Variants in FOXP1 observed in about 807,000 individuals in gnomAD.
FOXP1 encodes the protein forkhead box protein P1.
Under a neutral mutation model 98.2 loss-of-function variants are expected in FOXP1, and 15 were observed. That is an observed-to-expected ratio of 0.15 (90% confidence interval 0.10 to 0.24). FOXP1 has a LOEUF of 0.24. FOXP1 is among the 10% of genes least tolerant of loss of function. FOXP1 has a pLI of 1.00. For synonymous variants in FOXP1, 371 were observed against 314.5 expected (o/e 1.18, Z -1.90); for missense variants, 633 against 848.5 (o/e 0.75, Z 3.15).
chr3:71,013,211 C>G (rs761683972), intron 12 of FOXP1, among the ~76,000 whole-genome samples: 1 of 152,100 alleles, frequency 6.6e-6, no homozygotes, highest in Non-Finnish European at 1.5e-5. Flanking sequence ...TCCACTTTCC[C>G]TATAAGGACA....
intron 3 of FOXP1, among the ~76,000 whole-genome samples, chr3:71,386,377 C>A (rs1443209748): frequency 1.3e-5 from 2 of 152,168 alleles, no homozygotes; most frequent in Non-Finnish European, 2.9e-5. Flanking sequence ...TCCATCTGAC[C>A]ATTGCGTGCC....
intron 4 of FOXP1, among the ~76,000 whole-genome samples, chr3:71,306,688 T>C (rs1341031142): frequency 1.4e-5 from 2 of 138,092 alleles, no homozygotes; most frequent in East Asian, 5.0e-4. Context: ...AGTTCACTAA[T>C]CATTTAAGGA....
intron 3 of FOXP1, among the ~76,000 whole-genome samples, chr3:71,379,609 A>G (rs199896581): frequency 1.3e-3 from 40 of 31,418 alleles, no homozygotes; most frequent in South Asian, 4.3e-3. Context: ...TGGTTAGGGG[A>G]AAAAAAAAAA....
At chr3:71,515,433 C>A (rs911417199) in intron 2 of FOXP1, among the ~76,000 whole-genome samples, 990 of 96,540 alleles carry the variant, frequency 0.01, no homozygotes, top group East Asian at 0.011. Flanking sequence ...ATTTACACAG[C>A]AAAAAAAAAA....
intron 5 of FOXP1, 22 bp from the exon 6 acceptor site, chr3:71,198,414 TGGGGGGAGGGAGG>T: frequency 6.5e-6 from 1 of 154,644 alleles, no homozygotes. Flanking sequence ...ATTTCCAAGA[TGGGGGGAGGGAGG>T]GGGGGAGAAA....
chr3:71,532,334 C>T (rs530856413), intron 2 of FOXP1, among the ~76,000 whole-genome samples: 10 of 152,194 alleles, frequency 6.6e-5, no homozygotes, highest in African/African-American at 1.7e-4. Context: ...TGAGCTCAAG[C>T]GATCTGCCTA....
intron 5 of FOXP1, among the ~76,000 whole-genome samples, chr3:71,294,122 T>C (rs59493678): frequency 0.32 from 48,383 of 152,018 alleles, 8,157 homozygotes; most frequent in Middle Eastern, 0.38. Context: ...GAGGGCAGAA[T>C]GCAGTGTAAG....
At position 71,397,235 on chromosome 3, in the gene FOXP1, T is replaced by C. The variant is rs746875627; in HGVS notation, c.-167-37991A>G. On this transcript the variant is annotated intron_variant, in intron 3 of 20. Transcript: ENST00000649528. ...TCAAGTGGCAGTCCCTGGAATTGCA[T>C]GAAGAGAGCTTAGGAGGCAAAAACC... is the stretch of plus-strand genomic sequence containing the variant. Among the ~76,000 whole-genome samples the C allele has an allele frequency of 3.3e-5, 5 of 151,218 alleles. No homozygotes were observed. In the East Asian group the frequency reaches 5.8e-4, roughly 18 times the overall value.
intron 6 of FOXP1, among the ~76,000 whole-genome samples, chr3:71,123,514 C>A (rs1325093949): frequency 6.6e-6 from 1 of 152,136 alleles, no homozygotes; most frequent in South Asian, 2.1e-4. Flanking sequence ...TTTTTCAAAA[C>A]GAGCTTTTCA....
intron 6 of FOXP1, among the ~76,000 whole-genome samples, chr3:71,177,730 G>C (rs2062023303): frequency 6.6e-6 from 1 of 151,972 alleles, no homozygotes. Context: ...ACAGTACTAA[G>C]CATGAGTATG....
intron 12 of FOXP1, among the ~76,000 whole-genome samples, chr3:71,008,275 G>A (rs1183909531): frequency 6.6e-6 from 1 of 151,890 alleles, no homozygotes; most frequent in East Asian, 1.9e-4. Flanking sequence ...CATTACATGA[G>A]CATTAAAAAA....
intron 6 of FOXP1, among the ~76,000 whole-genome samples, chr3:71,124,236 G>A (rs2058995158): frequency 6.6e-6 from 1 of 151,306 alleles, no homozygotes; most frequent in African/African-American, 2.4e-5. Context: ...GTGTGTACCT[G>A]CATAGTCGTT....
chr3:71,057,291 CTTTTTTTTTTTTTTT>C (rs10670020), intron 7 of FOXP1, among the ~76,000 whole-genome samples: 154 of 7,476 alleles, frequency 0.021, no homozygotes, highest in Admixed American at 0.03. Flanking sequence ...AAAAACGAAA[CTTTTTTTTTTTTTTT>C]TTTTTTTTTT....
At chr3:71,574,950 C>G (rs1014616555) in intron 2 of FOXP1, among the ~76,000 whole-genome samples, 1 of 152,214 alleles carries the variant, frequency 6.6e-6, no homozygotes, top group African/African-American at 2.4e-5. Context: ...TTAGGTTTCA[C>G]AATGGCCAAC....
At chr3:71,142,199 A>G (rs4677532) in intron 6 of FOXP1, among the ~76,000 whole-genome samples, 43,496 of 152,104 alleles carry the variant, frequency 0.29, 7,752 homozygotes, top group East Asian at 0.54. Context: ...CAGAAAACAA[A>G]TACCTTGGAG....
chr3:71,582,264 C>T (rs1578277649), intron 1 of FOXP1: 7 of 984,846 alleles, frequency 7.1e-6, no homozygotes, highest in Non-Finnish European at 8.4e-6. Flanking sequence ...TCTAAGTTTC[C>T]GAGCGCGACG....
At chr3:71,223,491 C>G (rs568583165) in intron 5 of FOXP1, among the ~76,000 whole-genome samples, 1 of 151,904 alleles carries the variant, frequency 6.6e-6, no homozygotes, top group South Asian at 2.1e-4. Context: ...GTCAGGAGAT[C>G]GAGACCATCC....
At chr3:71,318,925 C>G (rs890421068) in intron 4 of FOXP1, among the ~76,000 whole-genome samples, 1 of 152,086 alleles carries the variant, frequency 6.6e-6, no homozygotes, top group Admixed American at 6.6e-5. Flanking sequence ...GGTTACTGAG[C>G]GTAAAGATGT....
intron 5 of FOXP1, among the ~76,000 whole-genome samples, chr3:71,286,766 T>C (rs894086329): frequency 6.6e-6 from 1 of 152,206 alleles, no homozygotes; most frequent in African/African-American, 2.4e-5. Context: ...TCAAAGTTGA[T>C]ACAAACTCTA....
Sources: gnomAD v4.1 joint callset for allele counts (sites outside exome capture counted in the v4.1 genomes callset) on GRCh38, gnomAD v4.1.1 for gene constraint, MANE v1.5 for transcripts, NCBI Gene and HGNC (gene_info 2026-07-23, HGNC 2026-07-21) for gene names.